The following MDGA2 variants were observed in gnomAD, a reference collection of about 807,000 sequenced individuals.
The protein encoded by MDGA2 is MAM domain containing glycosylphosphatidylinositol anchor 2, also known as MAM domain-containing glycosylphosphatidylinositol anchor protein 2.
In MDGA2, 40 loss-of-function variants were observed where a neutral mutation model predicts 117.8. The ratio of observed to expected loss-of-function variants is 0.34; its 90% CI spans 0.26 to 0.44. MDGA2 has a LOEUF of 0.44. Ranked by LOEUF, MDGA2 falls within the 20% of genes least tolerant of loss-of-function variation. The probability of loss-of-function intolerance (pLI) is 1.00; values close to 1 mark genes in which losing one functional copy is unlikely to be tolerated. For synonymous variants in MDGA2, 452 were observed against 439.0 expected (o/e 1.03, Z -0.37); for missense variants, 1,123 against 1,250.6 (o/e 0.90, Z 1.54).
At chr14:47,289,342 C>T (rs1412200756) in intron 2 of MDGA2, among the ~76,000 whole-genome samples, 1 of 150,950 alleles carries the variant, frequency 6.6e-6, no homozygotes, top group African/African-American at 2.4e-5. Flanking sequence ...CACACACGCA[C>T]ACACTCTCAT....
At chr14:47,286,813 A>G (rs1242351197) in intron 2 of MDGA2, among the ~76,000 whole-genome samples, 4 of 117,284 alleles carry the variant, frequency 3.4e-5, no homozygotes, top group Admixed American at 1.7e-4. Context: ...TTATATATAT[A>G]TATATATATA....
intron 2 of MDGA2, among the ~76,000 whole-genome samples, chr14:47,283,888 T>C (rs1379541818): frequency 6.6e-6 from 1 of 152,128 alleles, no homozygotes. Flanking sequence ...TCTGAACAAG[T>C]CAAGTAAGAT....
At chr14:47,087,385 C>T (rs1345116435) in intron 6 of MDGA2, among the ~76,000 whole-genome samples, 3 of 132,300 alleles carry the variant, frequency 2.3e-5, no homozygotes, top group East Asian at 2.5e-4. Context: ...GGCATGGTGG[C>T]GGGTGCCTGT....
At chr14:47,668,226 A>G (rs555812932) in intron 1 of MDGA2, among the ~76,000 whole-genome samples, 53 of 152,350 alleles carry the variant, frequency 3.5e-4, no homozygotes, top group South Asian at 8.3e-4. Context: ...AGAAACTGAT[A>G]TAGAAAAGCT....
At chr14:47,396,924 C>T (rs541962972) in intron 1 of MDGA2, among the ~76,000 whole-genome samples, 6 of 152,236 alleles carry the variant, frequency 3.9e-5, no homozygotes, top group Non-Finnish European at 5.9e-5. Context: ...GACAGTGTGG[C>T]GATTCCTCAA....
chr14:47,229,571 AAAGTAATGCC>A (rs1332059939), intron 2 of MDGA2, among the ~76,000 whole-genome samples: 1 of 152,102 alleles, frequency 6.6e-6, no homozygotes, highest in East Asian at 1.9e-4. Context: ...CAAAATAATA[AAAGTAATGCC>A]CTTGAAGAAA....
chr14:47,094,504 G>T (rs565792451), intron 6 of MDGA2, among the ~76,000 whole-genome samples: 5 of 152,072 alleles, frequency 3.3e-5, no homozygotes, highest in Admixed American at 6.6e-5. Flanking sequence ...TGGACATTTT[G>T]CCAGTTGTAC....
At chr14:47,479,719 T>C (rs1018867294) in intron 1 of MDGA2, among the ~76,000 whole-genome samples, 2 of 152,092 alleles carry the variant, frequency 1.3e-5, no homozygotes, top group African/African-American at 4.8e-5. Context: ...AAATAACCAT[T>C]GGTAATCATT....
chr14:47,157,290 T>C (rs576736275), intron 3 of MDGA2, among the ~76,000 whole-genome samples: 10 of 152,302 alleles, frequency 6.6e-5, no homozygotes, highest in Non-Finnish European at 1.3e-4. Flanking sequence ...TGTGGCTATC[T>C]ATAAAACTTA....
At chr14:46,935,095 C>A (rs2138562163) in intron 9 of MDGA2, among the ~76,000 whole-genome samples, 1 of 151,734 alleles carries the variant, frequency 6.6e-6, no homozygotes, top group African/African-American at 2.4e-5. Flanking sequence ...ACTGAAACAA[C>A]TGTAGAGTAT....
At chr14:46,866,350 T>C (rs1881759799) in intron 14 of MDGA2, among the ~76,000 whole-genome samples, 1 of 152,156 alleles carries the variant, frequency 6.6e-6, no homozygotes, top group Admixed American at 6.5e-5. Flanking sequence ...TGTAGAAAGC[T>C]GAAACTGGAT....
chr14:46,887,464 C>T (rs1267133506), intron 10 of MDGA2, among the ~76,000 whole-genome samples: 1 of 151,922 alleles, frequency 6.6e-6, no homozygotes, highest in African/African-American at 2.4e-5. Context: ...AGTTATAATA[C>T]ACTATGTCTG....
At position 46,933,925 on chromosome 14, in the gene MDGA2, C is replaced by G. The variant is rs530353699; in HGVS notation, c.2090-13765G>C. Among the ~76,000 whole-genome samples the G allele has an allele frequency of 6.2e-5, 9 of 145,216 alleles. 1 individual carries two copies. The highest frequency in any genetic ancestry group is 2.0e-4 in the African/African-American group (8 of 39,478). ...ACTGTTTCAACTTAAATGAATAACT[C>G]CTTGACTCTAAAATCCTGGATACAC... On this transcript the variant is annotated intron_variant, in intron 9 of 16. Transcript: ENST00000399232.
chr14:47,244,122 G>A (rs900906691), intron 2 of MDGA2, among the ~76,000 whole-genome samples: 1 of 151,608 alleles, frequency 6.6e-6, no homozygotes, highest in African/African-American at 2.4e-5. Flanking sequence ...TACCTGTTTT[G>A]TTAATTATTT....
At chr14:47,132,319 A>C (rs1430312289) in intron 4 of MDGA2, among the ~76,000 whole-genome samples, 11 of 152,006 alleles carry the variant, frequency 7.2e-5, no homozygotes, top group Non-Finnish European at 1.5e-4. Flanking sequence ...AAAGTTAATT[A>C]CGTAAATCTA....
intron 14 of MDGA2, among the ~76,000 whole-genome samples, chr14:46,860,433 C>CT (rs920886714): frequency 1.3e-5 from 2 of 151,648 alleles, no homozygotes; most frequent in African/African-American, 4.8e-5. Context: ...AGACCACTGA[C>CT]TTTTTTTTAT....
intron 1 of MDGA2, among the ~76,000 whole-genome samples, chr14:47,466,377 G>C (rs888879031): frequency 2.4e-4 from 36 of 152,042 alleles, no homozygotes; most frequent in African/African-American, 8.5e-4. Context: ...ATATAACTGA[G>C]GCTGGGATTT....
chr14:47,043,467 T>C (rs1889149579), intron 7 of MDGA2, among the ~76,000 whole-genome samples: 2 of 152,120 alleles, frequency 1.3e-5, no homozygotes, highest in African/African-American at 4.8e-5. Flanking sequence ...GTTGATATAA[T>C]AATATTATAT....
intron 2 of MDGA2, among the ~76,000 whole-genome samples, chr14:47,274,593 AAGG>A (rs1433755413): frequency 1.3e-5 from 2 of 152,124 alleles, no homozygotes; most frequent in African/African-American, 4.8e-5. Flanking sequence ...AGTGTACGCT[AAGG>A]AGTAAAACTG....
Sources: allele counts gnomAD v4.1 joint callset (sites outside exome capture counted in the v4.1 genomes callset), GRCh38; gene constraint gnomAD v4.1.1; transcripts MANE v1.5; gene names NCBI Gene and HGNC (gene_info 2026-07-23, HGNC 2026-07-21).